TMEM69: variants seen among roughly 807,000 people sequenced by gnomAD.
TMEM69 encodes the protein chromosome 1 open reading frame 154.
TMEM69 carries 17 observed loss-of-function variants against 15.8 expected under a neutral mutation model. The ratio of observed to expected loss-of-function variants is 1.07; its 90% CI spans 0.73 to 1.61. The LOEUF is 1.61. TMEM69 is among the 40% of genes most tolerant of loss of function. The pLI is 0.00. For missense variants in TMEM69, 230 were observed against 286.1 expected (o/e 0.80, Z 1.41); for synonymous variants, 80 against 98.6 (o/e 0.81, Z 1.12).
chr1:45,693,491 T>C lies in TMEM69; in HGVS notation c.330T>C (p.Ala110=). The C allele has an allele frequency of 6.2e-7, 1 of 1,614,216 alleles. No homozygotes were observed. The change falls in exon 3 of 3, where the codon GCT becomes GCC. Residue 110 remains alanine, a synonymous_variant. Coordinates refer to ENST00000372025, the MANE Select transcript of TMEM69 (RefSeq NM_016486.4). ...VTLAGLIPFV[A]PPLVMLMTKT... is the part of the protein sequence containing the mutation. ...TGGCAGGACTAATCCCCTTCGTTGC[T>C]CCACCACTGGTCATGCTGATGACAA...
At chr1:45,691,405 T>G (rs540054117) in intron 2 of TMEM69, among the ~76,000 whole-genome samples, 1 of 152,178 alleles carries the variant, frequency 6.6e-6, no homozygotes, top group South Asian at 2.1e-4. Context: ...TAGCTGGGCA[T>G]GGGGTCACAC....
At position 45,689,833 on chromosome 1, in the gene TMEM69, G is replaced by A. The variant is rs571252820; in HGVS notation, c.-95-1141G>A. 2.0e-4 allele frequency among the ~76,000 whole-genome samples: 30 copies of A among 151,212 alleles called. 1 individual carries two copies. The highest frequency in any genetic ancestry group is 6.6e-4 in the African/African-American group (27 of 41,066). ...ACCCTGGGCGACAGAGCAAGACTCC[G>A]TCTCAAAAAAAAATTGGCTGGGCAT... On this transcript the variant is annotated intron_variant, in intron 1 of 2. Coordinates refer to ENST00000372025, the MANE Select transcript of TMEM69 (RefSeq NM_016486.4).
In TMEM69 at chr1:45,693,337, G is replaced by A. The variant is rs911997789; in HGVS notation, c.176G>A (p.Ser59Asn). 1 of 1,614,124 alleles carries A rather than the reference G, an allele frequency of 6.2e-7. No homozygotes were observed. The highest frequency in any genetic ancestry group is 1.3e-5 in the African/African-American group (1 of 75,018). Residue 59 changes from serine to asparagine, a missense_variant, in exon 3 of 3, where the codon AGC (serine) becomes AAC (asparagine). By Grantham distance (46) the Ser-to-Asn change is conservative. Coordinates refer to ENST00000372025, the MANE Select transcript of TMEM69 (RefSeq NM_016486.4). ...TCCTCATCATTTCCAGCGTATATGA[G>A]CAAGACACAGTGCTATCATACATCC... ...WLSSSFPAYM[S>N]KTQCYHTSPC...
rs763697047 is a variant in TMEM69, at chr1:45,694,343, T to C, written c.*438T>C. 3.0e-4 allele frequency: 234 copies of C among 789,362 alleles called. 1 individual carries two copies. The highest frequency in any genetic ancestry group is 4.2e-4 in the Admixed American group (19 of 45,112). The allele number at this position is 789,362 out of a possible 1,614,324, so 48.9% of individuals were successfully genotyped here. Reference sequence around the variant, plus strand: ...AAGTACTTTTCATCTCATAGTATATTAGTTTTCACTCAGTCATTTTATGAA... The same window carrying C: ...AAGTACTTTTCATCTCATAGTATATCAGTTTTCACTCAGTCATTTTATGAA... On this transcript the variant is annotated 3_prime_UTR_variant, in exon 3 of 3. Coordinates refer to ENST00000372025, the MANE Select transcript of TMEM69 (RefSeq NM_016486.4).
At chr1:45,689,581 G>C (rs1211111613) in intron 1 of TMEM69, among the ~76,000 whole-genome samples, 1 of 152,056 alleles carries the variant, frequency 6.6e-6, no homozygotes, top group Non-Finnish European at 1.5e-5. Context: ...GGTGCCTAAT[G>C]CCTGTAATCC....
In TMEM69 at chr1:45,691,105, T is replaced by G; in HGVS notation, c.37T>G (p.Ser13Ala). Reference sequence around the variant, plus strand: ...CATCCAGAAGTTTTCTCAAGCATCTTCAAAGGTTGGTTTGTTCAGCAGATA... The same window carrying G: ...CATCCAGAAGTTTTCTCAAGCATCTGCAAAGGTTGGTTTGTTCAGCAGATA... ...RFIQKFSQAS[S>A]KILKYSFPVG... is the part of the protein sequence containing the mutation. Residue 13 changes from serine to alanine, a missense_variant, in exon 2 of 3, where the codon TCA becomes GCA. Ser to Ala is a moderately conservative substitution (Grantham distance 99). Transcript: ENST00000372025. 1.2e-6 allele frequency: 2 copies of G among 1,614,204 alleles called. No homozygotes were observed. The highest frequency in any genetic ancestry group is 1.7e-6 in the Non-Finnish European group (2 of 1,180,026).
chr1:45,692,646 C>T (rs1381123570), intron 2 of TMEM69, among the ~76,000 whole-genome samples: 1 of 152,056 alleles, frequency 6.6e-6, no homozygotes, highest in Non-Finnish European at 1.5e-5. Flanking sequence ...TAAAGGAAAG[C>T]TTTAAGTTGA....
At position 45,694,212 on chromosome 1, in the gene TMEM69, T is replaced by C. The variant is rs559437505; in HGVS notation, c.*307T>C. 2.9e-4 allele frequency: 146 copies of C among 499,482 alleles called. No individual in the cohort carries two copies. Among genetic ancestry groups the C allele is most frequent in the African/African-American group, 2.2e-3 (109 of 50,450 alleles). 30.9% of individuals were successfully genotyped at this position (499,482 alleles called of 1,614,324 possible). A position where few individuals can be genotyped will look rare whatever the true frequency, so the allele number is the denominator to read the frequency against. ...ACACCTTTTTCTACTTCTGTTTGGCTTTTTTTCCCCACACCAATGGTAATT... is the reference window on the plus strand; with the variant it reads ...ACACCTTTTTCTACTTCTGTTTGGCCTTTTTTCCCCACACCAATGGTAATT... On this transcript the variant is annotated 3_prime_UTR_variant, in exon 3 of 3. Transcript: ENST00000372025.
chr1:45,690,520 T>TA (rs900418668), intron 1 of TMEM69, among the ~76,000 whole-genome samples: 19 of 151,950 alleles, frequency 1.3e-4, no homozygotes, highest in Non-Finnish European at 2.2e-4. Context: ...ACAAACAAAT[T>TA]AAAAAAACCT....
At chr1:45,688,879 G>A (rs115309188) in intron 1 of TMEM69, among the ~76,000 whole-genome samples, 3,529 of 150,934 alleles carry the variant, frequency 0.023, 59 homozygotes, top group Non-Finnish European at 0.038. Flanking sequence ...CCTAAGATCT[G>A]TGATCAATAA....
intron 1 of TMEM69, among the ~76,000 whole-genome samples, chr1:45,690,007 T>A (rs867876341): frequency 2.1e-4 from 31 of 150,690 alleles, no homozygotes; most frequent in Admixed American, 3.3e-4. Context: ...AAAAAAAAAA[T>A]GTTACATCAA....
In TMEM69 at chr1:45,693,970, G is replaced by T. The variant is rs1387829468; in HGVS notation, c.*65G>T. ...AGCTGCTGCCCCGTCTGGGAAGTGA[G>T]GAGCGCCTCTGCCTGGCCGCCTGAC... On this transcript the variant is annotated 3_prime_UTR_variant, in exon 3 of 3. Transcript: ENST00000372025. 9.5e-6 allele frequency: 11 copies of T among 1,152,078 alleles called. No homozygotes were observed. Among genetic ancestry groups the T allele is most frequent in the Non-Finnish European group, 1.3e-5 (11 of 832,390 alleles). The allele number at this position is 1,152,078 out of a possible 1,614,324, so 71.4% of individuals were successfully genotyped here.
At chr1:45,693,113 A>G in intron 2 of TMEM69, 91 bp from the exon 3 acceptor site, 1 of 926,550 alleles carries the variant, frequency 1.1e-6, no homozygotes, top group South Asian at 1.9e-5. Flanking sequence ...CCTTTCAAAC[A>G]ATCCCCATTA....
At chr1:45,690,578 A>G (rs1464825116) in intron 1 of TMEM69, among the ~76,000 whole-genome samples, 3 of 152,192 alleles carry the variant, frequency 2.0e-5, no homozygotes, top group Admixed American at 6.5e-5. Flanking sequence ...TGAACTCTTA[A>G]GCCCCAAAAT....
Position 45,694,421 on chromosome 1 carries a change from A to C in TMEM69, c.*516A>C. ...AATATTTTAACCATCTTGAAAATTA[A>C]AGATTAAAAATCCCCTTTGTTAGAG... is the stretch of plus-strand genomic sequence containing the variant. On this transcript the variant is annotated 3_prime_UTR_variant, in exon 3 of 3. Transcript: ENST00000372025. 7.0e-7 allele frequency: 1 copy of C among 1,420,948 alleles called. No individual in the cohort carries two copies. The highest frequency in any genetic ancestry group is 9.7e-7 in the Non-Finnish European group (1 of 1,028,322). 88.0% of individuals were successfully genotyped at this position (1,420,948 alleles called of 1,614,324 possible). A position where few individuals can be genotyped will look rare whatever the true frequency, so the allele number is the denominator to read the frequency against.
At chr1:45,693,116 C>A in intron 2 of TMEM69, 88 bp from the exon 3 acceptor site, 1 of 931,316 alleles carries the variant, frequency 1.1e-6, no homozygotes, top group Admixed American at 2.5e-5. Context: ...TTCAAACAAT[C>A]CCCATTATTT....
chr1:45,689,281 T>C (rs1373824705), intron 1 of TMEM69, among the ~76,000 whole-genome samples: 1 of 152,130 alleles, frequency 6.6e-6, no homozygotes, highest in African/African-American at 2.4e-5. Flanking sequence ...AAGAATGAAA[T>C]TGTCAGATCT....
Position 45,694,258 on chromosome 1 carries a change from C to G in TMEM69, c.*353C>G. 1 of 582,474 alleles carries G rather than the reference C, an allele frequency of 1.7e-6. No individual in the cohort carries two copies. Among genetic ancestry groups the G allele is most frequent in the Non-Finnish European group, 3.0e-6 (1 of 328,604 alleles). 36.1% of individuals were successfully genotyped at this position (582,474 alleles called of 1,614,324 possible). The stretch of plus-strand genomic sequence containing the variant: ...TAATTTATCTTCACAGATTGTTCTT[C>G]ATTTCTAGAAATTGTTACTTCATGG... On this transcript the variant is annotated 3_prime_UTR_variant, in exon 3 of 3. Coordinates refer to ENST00000372025, the MANE Select transcript of TMEM69 (RefSeq NM_016486.4).
rs1160399339 is a variant in TMEM69 at position 45,694,380 on chromosome 1, T to C, written c.*475T>C. 12 of 968,336 alleles carry C rather than the reference T, an allele frequency of 1.2e-5. No homozygotes were observed. The highest frequency in any genetic ancestry group is 1.0e-4 in the Admixed American group (5 of 49,570). The allele number at this position is 968,336 out of a possible 1,614,324, so 60.0% of individuals were successfully genotyped here. A position where few individuals can be genotyped will look rare whatever the true frequency, so the allele number is the denominator to read the frequency against. On this transcript the variant is annotated 3_prime_UTR_variant, in exon 3 of 3. Transcript: ENST00000372025. ...AGTCATTTTATGAATAATATAGTTA[T>C]CCACTTAAACATTTCAATATTTTAA...
Sources: gnomAD v4.1 joint callset for allele counts (sites outside exome capture counted in the v4.1 genomes callset) on GRCh38, gnomAD v4.1.1 for gene constraint, MANE v1.5 for transcripts, NCBI Gene and HGNC (gene_info 2026-07-23, HGNC 2026-07-21) for gene names.